The following TSPAN18 variants were observed in gnomAD, a reference collection of about 807,000 sequenced individuals.
TSPAN18 encodes tetraspanin-18.
In TSPAN18, 14 loss-of-function variants were observed where a neutral mutation model predicts 27.3. The ratio of observed to expected loss-of-function variants is 0.51; its 90% confidence interval spans 0.34 to 0.80. TSPAN18 has a LOEUF of 0.80. Among genes scored for constraint, TSPAN18 ranks in the 30% least tolerant of loss-of-function variants. The pLI is 0.01. For missense variants in TSPAN18, 268 were observed against 323.9 expected, an observed-to-expected ratio of 0.83 and a Z score of 1.32; for synonymous variants, 143 against 136.5, an observed-to-expected ratio of 1.05 and a Z score of -0.33.
chr11:44,862,927 G>C (rs1857936082), intron 3 of TSPAN18, among the ~76,000 whole-genome samples: 1 of 152,204 alleles, frequency 6.6e-6, no homozygotes, highest in African/African-American at 2.4e-5. Context: ...TCTGTATGCA[G>C]ACCTGCTCCT....
At chr11:44,778,297 T>C (rs1855860927) in intron 2 of TSPAN18, among the ~76,000 whole-genome samples, 1 of 150,226 alleles carries the variant, frequency 6.7e-6, no homozygotes, top group East Asian at 2.0e-4. Context: ...GAGAGGGGAG[T>C]TTCTCCCTCA....
rs931680515 is a variant in TSPAN18, at chr11:44,906,614, G to A, written c.63+135G>A. On this transcript the variant is annotated intron_variant, in intron 4 of 9. Coordinates refer to ENST00000520358, the MANE Select transcript of TSPAN18 (RefSeq NM_130783.5). ...TAGAGGCAGGGGTACCTGCCAGCCA[G>A]GCTTTCATGGAAGGGGGCCCCCAGC... 8.4e-6 allele frequency: 7 copies of A among 829,978 alleles called. No individual in the cohort carries two copies. In the East Asian group the frequency reaches 1.3e-4, roughly 16 times the overall value. 51.4% of individuals were successfully genotyped at this position (829,978 alleles called of 1,614,324 possible).
At chr11:44,914,567 AGAAACC>A (rs1359129507) in intron 5 of TSPAN18, among the ~76,000 whole-genome samples, 1 of 152,204 alleles carries the variant, frequency 6.6e-6, no homozygotes, top group Non-Finnish European at 1.5e-5. Context: ...CAGGCCATGT[AGAAACC>A]ATAAGACCTC....
chr11:44,897,723 T>G, intron 3 of TSPAN18: 1 of 1,264,012 alleles, frequency 7.9e-7, no homozygotes, highest in Non-Finnish European at 1.0e-6. Flanking sequence ...CTTCCTGTAG[T>G]AATTGAATAT....
At chr11:44,901,026 A>G (rs1859245769) in intron 3 of TSPAN18, among the ~76,000 whole-genome samples, 1 of 152,168 alleles carries the variant, frequency 6.6e-6, no homozygotes, top group Admixed American at 6.5e-5. Context: ...CTGACTTTAC[A>G]GAGAAGGAAT....
chr11:44,856,524 A>C (rs1857743424), intron 2 of TSPAN18, among the ~76,000 whole-genome samples: 1 of 152,102 alleles, frequency 6.6e-6, no homozygotes, highest in South Asian at 2.1e-4. Context: ...CTCTGAATTC[A>C]TAATGATATG....
At chr11:44,853,454 A>G (rs1371202073) in intron 2 of TSPAN18, among the ~76,000 whole-genome samples, 1 of 152,174 alleles carries the variant, frequency 6.6e-6, no homozygotes, top group Non-Finnish European at 1.5e-5. Context: ...TGGGACAATA[A>G]TAACTGTAAT....
chr11:44,778,457 C>G (rs1320362989), intron 2 of TSPAN18, among the ~76,000 whole-genome samples: 3 of 152,162 alleles, frequency 2.0e-5, no homozygotes. Context: ...CAGGCACTAT[C>G]TATTGATTCC....
chr11:44,816,496 AC>A (rs1856821279), intron 2 of TSPAN18, among the ~76,000 whole-genome samples: 1 of 152,194 alleles, frequency 6.6e-6, no homozygotes, highest in Admixed American at 6.5e-5. Flanking sequence ...CTGTGTTGAC[AC>A]CAGGCCCTGG....
chr11:44,911,944 G>A (rs1362425926), intron 5 of TSPAN18, among the ~76,000 whole-genome samples: 4 of 38,184 alleles, frequency 1.0e-4, no homozygotes, highest in East Asian at 1.3e-3. Flanking sequence ...CCCCACCCCC[G>A]CCTCTCTCCC....
intron 2 of TSPAN18, among the ~76,000 whole-genome samples, chr11:44,771,035 G>T (rs1590442508): frequency 1.3e-5 from 2 of 152,160 alleles, no homozygotes; most frequent in African/African-American, 2.4e-5. Flanking sequence ...GGGTTCAGGG[G>T]TGAGGGTGGG....
intron 4 of TSPAN18, among the ~76,000 whole-genome samples, chr11:44,906,784 A>C (rs558396855): frequency 1.3e-5 from 2 of 152,262 alleles, no homozygotes; most frequent in Admixed American, 1.3e-4. Context: ...GAGAGTGGGA[A>C]AGGAGGGGAT....
intron 3 of TSPAN18, chr11:44,886,687 G>A (rs1295691664): frequency 1.3e-5 from 2 of 152,230 alleles, no homozygotes; most frequent in Non-Finnish European, 1.5e-5. Context: ...TAAGGTTGTG[G>A]GGGTTGCCTT....
At chr11:44,770,027 T>C (rs1295213172) in intron 2 of TSPAN18, among the ~76,000 whole-genome samples, 3 of 152,288 alleles carry the variant, frequency 2.0e-5, no homozygotes, top group South Asian at 2.1e-4. Context: ...TAGCCCTGAG[T>C]TGGCTTGAGG....
In TSPAN18 at chr11:44,804,468, T is replaced by C. The variant is rs568897933; in HGVS notation, c.-153+39956T>C. Among the ~76,000 whole-genome samples the C allele has an allele frequency of 3.3e-5, 5 of 152,186 alleles. No homozygotes were observed. In the South Asian group the frequency reaches 8.3e-4, roughly 25 times the overall value. On this transcript the variant is annotated intron_variant, in intron 2 of 9. Transcript: ENST00000520358. Reference sequence around the variant, plus strand: ...TCTGTGGACCCAGGATACAGCACAGTCAGCACCTGGCAATGGATGAGTTCA... The same window carrying C: ...TCTGTGGACCCAGGATACAGCACAGCCAGCACCTGGCAATGGATGAGTTCA...
chr11:44,919,465 C>T (rs1421409571), intron 7 of TSPAN18, 153 bp downstream of exon 7: 1 of 726,364 alleles, frequency 1.4e-6, no homozygotes, highest in East Asian at 2.7e-5. Flanking sequence ...TCCAGGCAGC[C>T]ATGCCACTTG....
At chr11:44,777,342 G>T (rs989074337) in intron 2 of TSPAN18, among the ~76,000 whole-genome samples, 1 of 152,124 alleles carries the variant, frequency 6.6e-6, no homozygotes, top group African/African-American at 2.4e-5. Context: ...CCAAGGTGAG[G>T]CCACCTCATC....
rs192795432 is a variant in TSPAN18, at chr11:44,815,768, C to A, written c.-152-44560C>A. 8.1e-4 allele frequency among the ~76,000 whole-genome samples: 123 copies of A among 152,196 alleles called. 1 individual carries two copies. The highest frequency in any genetic ancestry group is 1.9e-4 in the Non-Finnish European group (13 of 67,998). On this transcript the variant is annotated intron_variant, in intron 2 of 9. Transcript: ENST00000520358. The stretch of plus-strand genomic sequence containing the variant: ...GAGACTTCAGCTCACTGGGCAGGGG[C>A]AGCTTCTCTTGGAGGAGCGGGCAGT...
At chr11:44,733,554 G>T (rs559366518) in intron 1 of TSPAN18, among the ~76,000 whole-genome samples, 1 of 152,012 alleles carries the variant, frequency 6.6e-6, no homozygotes, top group Admixed American at 6.6e-5. Context: ...ACCCACTTCT[G>T]CTCCTGTCTC....
Sources: gnomAD v4.1 joint callset for allele counts (sites outside exome capture counted in the v4.1 genomes callset) on GRCh38, gnomAD v4.1.1 for gene constraint, MANE v1.5 for transcripts, NCBI Gene and HGNC (gene_info 2026-07-23, HGNC 2026-07-21) for gene names.